TMEM71: variants seen among roughly 807,000 people sequenced by gnomAD.
The protein encoded by TMEM71 is transmembrane protein 71.
Under a neutral mutation model 38.0 loss-of-function variants are expected in TMEM71, and 44 were observed. The observed-to-expected ratio is 1.16, with a 90% CI of 0.91 to 1.49. The LOEUF (loss-of-function observed/expected upper bound fraction) is 1.49, where lower values mean the gene tolerates loss of function less well. Ranked by LOEUF, TMEM71 falls within the 40% of genes most tolerant of loss-of-function variation. The pLI is 0.00. For synonymous variants in TMEM71, 133 were observed against 122.5 expected (o/e 1.09, Z -0.56); for missense variants, 367 against 348.6 (o/e 1.05, Z -0.42).
At chr8:132,765,100 A>C (rs1829346469), upstream of TMEM71, among the ~76,000 whole-genome samples, 1 of 152,222 alleles carries the variant, frequency 6.6e-6, no homozygotes, top group African/African-American at 2.4e-5. Context: ...GGCATACAGC[A>C]GTAAGCTTTT....
intron 5 of TMEM71, among the ~76,000 whole-genome samples, chr8:132,743,941 T>C (rs1203001951): frequency 6.6e-6 from 1 of 152,204 alleles, no homozygotes; most frequent in African/African-American, 2.4e-5. Flanking sequence ...TCTCATTGTC[T>C]AGCACTGATC....
At chr8:132,721,487 T>C (rs1826841258) in intron 7 of TMEM71, among the ~76,000 whole-genome samples, 1 of 152,064 alleles carries the variant, frequency 6.6e-6, no homozygotes, top group Non-Finnish European at 1.5e-5. Context: ...TAAAATACAA[T>C]TTTAAGCAAC....
chr8:132,740,772 C>T (rs1827991519), intron 5 of TMEM71, among the ~76,000 whole-genome samples: 1 of 152,210 alleles, frequency 6.6e-6, no homozygotes, highest in Non-Finnish European at 1.5e-5. Flanking sequence ...GGGCTTCTTG[C>T]TCCCGAGGGC....
rs142375428 is a variant in TMEM71 at position 132,725,916 on chromosome 8, G to A, written c.676+1882C>T. 7.1e-3 allele frequency among the ~76,000 whole-genome samples: 1,079 copies of A among 152,262 alleles called. 6 individuals are homozygous for A. Among genetic ancestry groups the A allele is most frequent in the South Asian group, 0.017 (84 of 4,808 alleles). On this transcript the variant is annotated intron_variant, in intron 6 of 9. Coordinates refer to ENST00000677595, the MANE Select transcript of TMEM71 (RefSeq NM_001382403.1). ...GTTCTTACAAAACTCTTGGCAAAGA[G>A]TACAAAGGTTAACTTTACCTGTCTG... is the stretch of plus-strand genomic sequence containing the variant.
intron 5 of TMEM71, among the ~76,000 whole-genome samples, chr8:132,741,465 G>A (rs1158592075): frequency 1.3e-5 from 2 of 152,134 alleles, no homozygotes; most frequent in South Asian, 2.1e-4. Context: ...GGCCCCGAAT[G>A]TCTGGCTGTG....
chr8:132,736,584 C>T (rs1827759724), intron 5 of TMEM71, among the ~76,000 whole-genome samples: 1 of 151,976 alleles, frequency 6.6e-6, no homozygotes. Context: ...AATCCCAGTA[C>T]ATTGGGAAGC....
chr8:132,707,803 C>G (rs935065389), downstream of TMEM71, among the ~76,000 whole-genome samples: 2 of 152,170 alleles, frequency 1.3e-5, no homozygotes, highest in Non-Finnish European at 2.9e-5. Context: ...ACACTATTTT[C>G]TGTTTTTCTC....
At chr8:132,717,592 C>A (rs969502921) in intron 7 of TMEM71, among the ~76,000 whole-genome samples, 2 of 152,158 alleles carry the variant, frequency 1.3e-5, no homozygotes, top group African/African-American at 4.8e-5. Flanking sequence ...CAGACAATAA[C>A]AAATGTTGAG....
At chr8:132,716,009 G>A (rs1039132757) in intron 7 of TMEM71, among the ~76,000 whole-genome samples, 3 of 152,228 alleles carry the variant, frequency 2.0e-5, no homozygotes, top group African/African-American at 7.2e-5. Flanking sequence ...GGGGAGGCCT[G>A]GCCAGGGTTG....
chr8:132,745,728 C>T (rs372730273), intron 5 of TMEM71, among the ~76,000 whole-genome samples: 5 of 151,938 alleles, frequency 3.3e-5, no homozygotes, highest in Non-Finnish European at 7.4e-5. Context: ...CTCACATTTT[C>T]AGGAGCACTA....
chr8:132,713,578 C>A lies in TMEM71; in HGVS notation c.872+417G>T, dbSNP rs531926815. 2.0e-5 allele frequency among the ~76,000 whole-genome samples: 3 copies of A among 152,238 alleles called. No homozygotes were observed. The East Asian group carries it at 5.8e-4, about 29-fold the overall frequency. Reference sequence around the variant, plus strand: ...ATATGCTGAACCATGGCAGTTAACACACAAGGGGATCATTAAATGAATAAG... The same window carrying A: ...ATATGCTGAACCATGGCAGTTAACAAACAAGGGGATCATTAAATGAATAAG... On this transcript the variant is annotated intron_variant, in intron 9 of 9. Coordinates refer to ENST00000677595, the MANE Select transcript of TMEM71 (RefSeq NM_001382403.1).
At chr8:132,765,802 C>T in the TMEM71 span, among the ~76,000 whole-genome samples, 2 of 149,724 alleles carry the variant, frequency 1.3e-5, no homozygotes, top group Non-Finnish European at 3.0e-5. Context: ...TTATTATTGT[C>T]TTTTGAGACA....
chr8:132,765,627 C>T (rs1829354330), upstream of TMEM71, among the ~76,000 whole-genome samples: 4 of 152,102 alleles, frequency 2.6e-5, no homozygotes, highest in South Asian at 8.3e-4. Flanking sequence ...CTCAGCACCC[C>T]TCCTAAGAAA....
intron 6 of TMEM71, among the ~76,000 whole-genome samples, chr8:132,725,029 T>C (rs931210744): frequency 6.7e-6 from 1 of 148,210 alleles, no homozygotes; most frequent in African/African-American, 2.5e-5. Context: ...TTTCTTTTCT[T>C]TTCTTTTCTT....
chr8:132,772,526 C>T, the TMEM71 span, among the ~76,000 whole-genome samples: 4 of 152,100 alleles, frequency 2.6e-5, no homozygotes, highest in Admixed American at 6.5e-5. Context: ...TGACCTTTGA[C>T]TCTATGTGGT....
the TMEM71 span, among the ~76,000 whole-genome samples, chr8:132,770,621 T>A: frequency 6.6e-6 from 1 of 152,240 alleles, no homozygotes; most frequent in East Asian, 1.9e-4. Flanking sequence ...AAAGATGTTA[T>A]AATTTTTCAC....
At chr8:132,708,605 G>A (rs1372105902), downstream of TMEM71, among the ~76,000 whole-genome samples, 1 of 152,188 alleles carries the variant, frequency 6.6e-6, no homozygotes, top group East Asian at 1.9e-4. Flanking sequence ...CTTTCACTGG[G>A]GAAGGCCTTA....
At chr8:132,719,995 T>G (rs1321959194) in intron 7 of TMEM71, among the ~76,000 whole-genome samples, 2 of 152,236 alleles carry the variant, frequency 1.3e-5, no homozygotes, top group East Asian at 3.8e-4. Context: ...CTTGACAGTT[T>G]TGGAAAGTCC....
chr8:132,741,451 T>G (rs550538533), intron 5 of TMEM71, among the ~76,000 whole-genome samples: 19 of 152,156 alleles, frequency 1.2e-4, no homozygotes, highest in African/African-American at 4.3e-4. Flanking sequence ...CAGAGACCAG[T>G]AGTGGCCCCG....
Sources: gnomAD v4.1 joint callset for allele counts (sites outside exome capture counted in the v4.1 genomes callset) on GRCh38, gnomAD v4.1.1 for gene constraint, MANE v1.5 for transcripts, NCBI Gene and HGNC (gene_info 2026-07-23, HGNC 2026-07-21) for gene names.